Variants in HELZ observed in about 807,000 individuals in gnomAD.
HELZ encodes helicase with zinc finger.
HELZ carries 23 observed loss-of-function variants against 218.2 expected under a neutral mutation model. The observed-to-expected ratio is 0.11, with a 90% confidence interval of 0.08 to 0.15. HELZ has a LOEUF of 0.15. Among genes scored for constraint, HELZ ranks in the 10% least tolerant of loss-of-function variants. The pLI is 1.00. For synonymous variants in HELZ, 814 were observed against 829.4 expected, an observed-to-expected ratio of 0.98 and a Z score of 0.32; for missense variants, 1,813 against 2,353.7, an observed-to-expected ratio of 0.77 and a Z score of 4.75.
At chr17:67,093,475 G>A (rs1944255136) in intron 31 of HELZ, among the ~76,000 whole-genome samples, 1 of 152,178 alleles carries the variant, frequency 6.6e-6, no homozygotes, top group Non-Finnish European at 1.5e-5. Context: ...TCACACAGTT[G>A]AAGGATATGA....
chr17:67,218,644 C>T lies in HELZ; in HGVS notation c.161G>A (p.Arg54His), dbSNP rs763814134. 5.6e-5 allele frequency: 90 copies of T among 1,614,052 alleles called. No individual in the cohort carries two copies. Among genetic ancestry groups the T allele is most frequent in the South Asian group, 1.1e-4 (10 of 91,094 alleles). Reference protein sequence around the residue: ...FTGPCPLEIERIKIESLLYRI... With the variant: ...FTGPCPLEIEHIKIESLLYRI... ...GTAGAGAAGACTCTCGATTTTGATG[C>T]GTTCTATTTCCAATGGACAAGGCCC... Residue 54 changes from arginine to histidine, a missense_variant, in exon 4 of 33, where the codon CGC (arginine) becomes CAC (histidine). By Grantham distance (29) the Arg-to-His change is conservative. This residue lies in a region of HELZ where 714 missense variants were observed against 1,029.2 expected (regional missense o/e 0.69). Coordinates refer to ENST00000358691, the MANE Select transcript of HELZ (RefSeq NM_014877.4).
upstream of HELZ, chr17:67,245,499 GTCT>G: frequency 1.0e-6 from 1 of 985,852 alleles, no homozygotes; most frequent in Non-Finnish European, 1.2e-6. Context: ...GACGCCCCGC[GTCT>G]GCATTGAATC....
intron 21 of HELZ, among the ~76,000 whole-genome samples, chr17:67,139,606 A>T (rs999018614): frequency 1.3e-5 from 2 of 152,198 alleles, no homozygotes; most frequent in Non-Finnish European, 2.9e-5. Context: ...AAATTAGCAA[A>T]GACAATCATT....
intron 28 of HELZ, among the ~76,000 whole-genome samples, chr17:67,113,587 T>C (rs1438194281): frequency 3.9e-5 from 6 of 152,160 alleles, no homozygotes; most frequent in Admixed American, 3.9e-4. Context: ...ACTCTTCCTC[T>C]GAGACTGGTG....
intron 4 of HELZ, among the ~76,000 whole-genome samples, chr17:67,216,836 C>T (rs1178113120): frequency 3.3e-5 from 5 of 152,132 alleles, no homozygotes; most frequent in African/African-American, 1.2e-4. Context: ...CCTTCCTTCA[C>T]GCGGCTACCA....
In HELZ at chr17:67,188,386, T is replaced by C; in HGVS notation, c.1095A>G (p.Ile365Met). The change falls in exon 12 of 33, where the codon ATA becomes ATG. Residue 365 changes from isoleucine to methionine, a missense_variant. By Grantham distance (10) the Ile-to-Met change is conservative (BLOSUM62 1). This residue lies in a region of HELZ where 714 missense variants were observed against 1,029.2 expected (regional missense o/e 0.69). Transcript: ENST00000358691. The surrounding 1 kb of genome is among the most constrained non-coding windows in gnomAD (Gnocchi z 4.1). ...TEIFGTFRQTIVFDFGLEPVL... is the reference protein window; with the variant it reads ...TEIFGTFRQTMVFDFGLEPVL... ...CTGGTTCCAATCCAAAGTCGAAAAC[T>C]ATGGTTTGGCGAAAAGTTCCAAATA... 1 of 1,613,952 alleles carries C rather than the reference T, an allele frequency of 6.2e-7. No homozygotes were observed. Among genetic ancestry groups the C allele is most frequent in the Non-Finnish European group, 8.5e-7 (1 of 1,179,856 alleles).
chr17:67,164,076 C>T (rs1046539389), intron 15 of HELZ, among the ~76,000 whole-genome samples: 10 of 152,104 alleles, frequency 6.6e-5, no homozygotes, highest in Admixed American at 5.2e-4. Flanking sequence ...TCTTTAAACT[C>T]GAAATTCTTA....
chr17:67,080,173 T>C (rs1362616835), intron 32 of HELZ, among the ~76,000 whole-genome samples: 1 of 152,200 alleles, frequency 6.6e-6, no homozygotes, highest in Non-Finnish European at 1.5e-5. Flanking sequence ...GATATAACTG[T>C]TCATTTATTT....
chr17:67,215,731 A>G (rs2040582754), intron 5 of HELZ, 168 bp downstream of exon 5: 2 of 645,178 alleles, frequency 3.1e-6, no homozygotes, highest in Middle Eastern at 4.1e-4. Context: ...AGCAATGTTC[A>G]CAGGTATGCC....
chr17:67,221,184 G>A (rs2040735385), intron 3 of HELZ, among the ~76,000 whole-genome samples: 3 of 152,090 alleles, frequency 2.0e-5, no homozygotes, highest in Admixed American at 2.0e-4. Flanking sequence ...ATAATTTTTT[G>A]CTGTGGGCCA....
intron 22 of HELZ, among the ~76,000 whole-genome samples, chr17:67,136,501 G>A (rs368070639): frequency 3.9e-5 from 6 of 152,152 alleles, no homozygotes; most frequent in East Asian, 1.9e-4. Context: ...GTATATCCAC[G>A]TTCATAGCAG....
At chr17:67,155,169 T>C (rs781300323) in intron 17 of HELZ, among the ~76,000 whole-genome samples, 8 of 152,054 alleles carry the variant, frequency 5.3e-5, no homozygotes, top group Admixed American at 1.3e-4. Context: ...CAAAACAAGG[T>C]AGAAAATCAA....
At chr17:67,112,264 T>C (rs972481396) in intron 28 of HELZ, among the ~76,000 whole-genome samples, 1 of 152,138 alleles carries the variant, frequency 6.6e-6, no homozygotes, top group African/African-American at 2.4e-5. Context: ...TGTCTTCAGG[T>C]TGCCTAGTTC....
intron 9 of HELZ, 66 bp from the exon 10 acceptor site, chr17:67,190,421 G>T: frequency 8.2e-7 from 1 of 1,224,766 alleles, no homozygotes; most frequent in Non-Finnish European, 1.2e-6. Flanking sequence ...TAAACTCCCA[G>T]CATTTGCCCT....
intron 3 of HELZ, among the ~76,000 whole-genome samples, chr17:67,223,610 G>A (rs746577257): frequency 6.6e-6 from 1 of 151,972 alleles, no homozygotes; most frequent in Non-Finnish European, 1.5e-5. Context: ...AAATTAGCCG[G>A]ATGTGGTAGC....
chr17:67,218,256 T>C (rs1431658611), intron 4 of HELZ, among the ~76,000 whole-genome samples: 1 of 152,194 alleles, frequency 6.6e-6, no homozygotes, highest in African/African-American at 2.4e-5. Flanking sequence ...ATAATGCTTA[T>C]TGTTTATTTT....
At chr17:67,138,866 T>C (rs1443258681) in intron 21 of HELZ, among the ~76,000 whole-genome samples, 1 of 152,178 alleles carries the variant, frequency 6.6e-6, no homozygotes, top group Admixed American at 6.6e-5. Context: ...AGTTTCAATG[T>C]CTGGCACAGT....
At chr17:67,244,132 G>A (rs1567924657) in intron 1 of HELZ, 1 of 379,602 alleles carries the variant, frequency 2.6e-6, no homozygotes, top group African/African-American at 2.3e-5. Flanking sequence ...ATGAAGGAGA[G>A]GAAATTTCAT....
At chr17:67,182,655 A>C (rs1464187285) in intron 12 of HELZ, among the ~76,000 whole-genome samples, 1 of 152,228 alleles carries the variant, frequency 6.6e-6, no homozygotes, top group Non-Finnish European at 1.5e-5. Context: ...TCCATAAGTT[A>C]AAGATAATTA....
Sources: allele counts gnomAD v4.1 joint callset (sites outside exome capture counted in the v4.1 genomes callset), GRCh38; gene constraint gnomAD v4.1.1; regional missense constraint gnomAD v4.1.1; non-coding constraint Gnocchi (gnomAD v3.1); transcripts MANE v1.5; gene names NCBI Gene and HGNC (gene_info 2026-07-23, HGNC 2026-07-21).